RALGPS1: variants seen among roughly 807,000 people sequenced by gnomAD.
RALGPS1 encodes Ral GEF with PH domain and SH3 binding motif 1, also known as ras-specific guanine nucleotide-releasing factor RalGPS1.
RALGPS1 carries 19 observed loss-of-function variants against 78.8 expected under a neutral mutation model. That is an observed-to-expected ratio of 0.24 (90% confidence interval 0.17 to 0.35). The LOEUF is 0.35. Ranked by LOEUF, RALGPS1 falls within the 10% of genes least tolerant of loss-of-function variation. The probability of loss-of-function intolerance (pLI) is 1.00; values close to 1 mark genes in which losing one functional copy is unlikely to be tolerated. For synonymous variants in RALGPS1, 228 were observed against 256.3 expected (o/e 0.89, Z 1.06); for missense variants, 454 against 688.3 (o/e 0.66, Z 3.81).
chr9:126,996,132 A>G (rs1355190000), intron 4 of RALGPS1, among the ~76,000 whole-genome samples: 7 of 152,242 alleles, frequency 4.6e-5, no homozygotes, highest in Non-Finnish European at 8.8e-5. Flanking sequence ...CTAGAAAAGC[A>G]AGAGCAAACA....
intron 1 of RALGPS1, among the ~76,000 whole-genome samples, chr9:126,950,713 G>A (rs1253058349): frequency 1.2e-4 from 18 of 149,506 alleles, no homozygotes; most frequent in South Asian, 2.1e-4. Flanking sequence ...AGAGAAAGCA[G>A]GAAAGATCCA....
At chr9:127,199,778 C>T (rs1334961615) in intron 14 of RALGPS1, among the ~76,000 whole-genome samples, 1 of 152,184 alleles carries the variant, frequency 6.6e-6, no homozygotes, top group Admixed American at 6.5e-5. Flanking sequence ...AGCCATGGCA[C>T]CACCAGGGGT....
intron 13 of RALGPS1, 128 bp downstream of exon 13, chr9:127,196,759 A>C (rs1588500460): frequency 1.8e-6 from 2 of 1,134,720 alleles, no homozygotes; most frequent in Non-Finnish European, 2.4e-6. Flanking sequence ...GTGGCCCCTC[A>C]CCTCCCTGCA....
At position 127,099,581 on chromosome 9, in the gene RALGPS1, C is replaced by T. The variant is rs781209160; in HGVS notation, c.610+30225C>T. 4.0e-4 allele frequency among the ~76,000 whole-genome samples: 61 copies of T among 152,020 alleles called. 1 individual carries two copies. The highest frequency in any genetic ancestry group is 1.5e-4 in the Non-Finnish European group (10 of 67,998). ...GGGCAGGAGAACAGACACACAGGGT[C>T]GGGGGATGGGGTGTGAGGGGTGGCT... On this transcript the variant is annotated intron_variant, in intron 8 of 18. Coordinates refer to ENST00000259351, the MANE Select transcript of RALGPS1 (RefSeq NM_014636.3).
intron 1 of RALGPS1, among the ~76,000 whole-genome samples, chr9:126,951,088 G>A (rs1373513403): frequency 1.3e-5 from 2 of 152,038 alleles, no homozygotes; most frequent in Admixed American, 6.6e-5. Flanking sequence ...TAAATTCCTC[G>A]ACACATACAC....
chr9:127,187,224 C>T (rs1260771630), intron 11 of RALGPS1, among the ~76,000 whole-genome samples: 1 of 152,210 alleles, frequency 6.6e-6, no homozygotes, highest in African/African-American at 2.4e-5. Flanking sequence ...CCATCACCTT[C>T]CTTTCCTCAA....
intron 4 of RALGPS1, among the ~76,000 whole-genome samples, chr9:127,028,797 A>AT (rs1037209506): frequency 2.6e-5 from 4 of 152,134 alleles, no homozygotes; most frequent in African/African-American, 9.7e-5. Context: ...TATTAATGCC[A>AT]TTTTTCAGAT....
chr9:127,209,862 G>A (rs1288829642), intron 14 of RALGPS1, among the ~76,000 whole-genome samples: 1 of 152,192 alleles, frequency 6.6e-6, no homozygotes, highest in Non-Finnish European at 1.5e-5. Flanking sequence ...TCTTACAAAG[G>A]AACTCTGGGC....
intron 11 of RALGPS1, chr9:127,178,100 T>C (rs3739556): frequency 0.48 from 545,442 of 1,143,164 alleles, 134,264 homozygotes; most frequent in African/African-American, 0.72. Flanking sequence ...GTGTTACCAA[T>C]CCCAGGGATG....
intron 1 of RALGPS1, among the ~76,000 whole-genome samples, chr9:126,957,897 G>A (rs1025762211): frequency 4.6e-5 from 7 of 152,010 alleles, no homozygotes; most frequent in Admixed American, 1.3e-4. Context: ...CCAGCACTTT[G>A]GGAGGTGAAG....
chr9:127,217,146 T>TA, intron 18 of RALGPS1: 1 of 1,287,612 alleles, frequency 7.8e-7, no homozygotes, highest in Non-Finnish European at 9.8e-7. Flanking sequence ...AGCAGAGCAC[T>TA]AATGGGTCAG....
intron 8 of RALGPS1, among the ~76,000 whole-genome samples, chr9:127,143,992 G>C (rs1003202557): frequency 1.3e-5 from 2 of 152,228 alleles, no homozygotes; most frequent in African/African-American, 4.8e-5. Context: ...GCTGTGGGAG[G>C]GGGGCAGCCT....
At chr9:126,976,969 A>G (rs1036018692) in intron 3 of RALGPS1, among the ~76,000 whole-genome samples, 2 of 152,188 alleles carry the variant, frequency 1.3e-5, no homozygotes, top group Non-Finnish European at 2.9e-5. Context: ...TATTGATGAC[A>G]TTGCTGCATC....
chr9:127,133,622 GC>G (rs893422840), intron 8 of RALGPS1, among the ~76,000 whole-genome samples: 1 of 152,216 alleles, frequency 6.6e-6, no homozygotes, highest in African/African-American at 2.4e-5. Context: ...TTTCTGGGCA[GC>G]CCCAGGTTTG....
intron 11 of RALGPS1, among the ~76,000 whole-genome samples, chr9:127,185,954 AGGTG>A (rs1340806609): frequency 2.6e-5 from 4 of 152,202 alleles, no homozygotes; most frequent in African/African-American, 9.7e-5. Flanking sequence ...CAGAGGTGTG[AGGTG>A]ACCTACTCAA....
chr9:126,928,220 T>C (rs1242294761), intron 1 of RALGPS1, among the ~76,000 whole-genome samples: 1 of 152,150 alleles, frequency 6.6e-6, no homozygotes, highest in African/African-American at 2.4e-5. Context: ...ACCTGGAGTG[T>C]AGGACAAAGG....
At chr9:127,085,467 G>A (rs1189568797) in intron 8 of RALGPS1, among the ~76,000 whole-genome samples, 2 of 152,202 alleles carry the variant, frequency 1.3e-5, no homozygotes, top group Non-Finnish European at 2.9e-5. Flanking sequence ...AGGCTAGGGT[G>A]CTTGGACAGA....
At chr9:127,097,426 G>A (rs897972104) in intron 8 of RALGPS1, among the ~76,000 whole-genome samples, 1 of 152,214 alleles carries the variant, frequency 6.6e-6, no homozygotes, top group African/African-American at 2.4e-5. Context: ...GGCCCCATTA[G>A]CTTCCATCAA....
intron 4 of RALGPS1, among the ~76,000 whole-genome samples, chr9:127,029,410 A>C (rs1303708787): frequency 2.0e-5 from 3 of 152,168 alleles, no homozygotes; most frequent in African/African-American, 7.2e-5. Flanking sequence ...GATTTATAAA[A>C]GCAAATCTGG....
Sources: gnomAD v4.1 joint callset for allele counts (sites outside exome capture counted in the v4.1 genomes callset) on GRCh38, gnomAD v4.1.1 for gene constraint, MANE v1.5 for transcripts, NCBI Gene and HGNC (gene_info 2026-07-23, HGNC 2026-07-21) for gene names.